SLC35F3: variants seen among roughly 807,000 people sequenced by gnomAD.
SLC35F3 encodes the protein solute carrier family 35 member F3.
A neutral mutation model predicts 49.9 loss-of-function variants in SLC35F3; 25 were observed. The observed-to-expected ratio is 0.50, with a 90% CI of 0.37 to 0.70. The LOEUF is 0.70. Ranked by LOEUF, SLC35F3 falls within the 30% of genes least tolerant of loss-of-function variation. The pLI is 0.00. For synonymous variants in SLC35F3, 275 were observed against 265.4 expected (o/e 1.04, Z -0.35); for missense variants, 525 against 639.8 (o/e 0.82, Z 1.94).
At chr1:234,155,397 T>TGA (rs58295274) in intron 2 of SLC35F3, among the ~76,000 whole-genome samples, 27,585 of 146,800 alleles carry the variant, frequency 0.19, 4,348 homozygotes, top group East Asian at 0.85. Context: ...ATTCACCTGA[T>TGA]TATTATTATT....
At chr1:234,077,927 C>T (rs185114504) in intron 2 of SLC35F3, among the ~76,000 whole-genome samples, 2 of 152,320 alleles carry the variant, frequency 1.3e-5, no homozygotes, top group Admixed American at 1.3e-4. Context: ...TTGAGGGTTG[C>T]TCCCCAGAGA....
chr1:233,933,601 A>G (rs944406598), intron 2 of SLC35F3, among the ~76,000 whole-genome samples: 1 of 152,174 alleles, frequency 6.6e-6, no homozygotes, highest in African/African-American at 2.4e-5. Context: ...GTGGTGGCTC[A>G]GTGCTTGGGG....
At chr1:233,982,018 G>T (rs963521446) in intron 2 of SLC35F3, among the ~76,000 whole-genome samples, 2 of 152,290 alleles carry the variant, frequency 1.3e-5, no homozygotes, top group South Asian at 2.1e-4. Flanking sequence ...CACCTTCCAG[G>T]TTCAAGTGAT....
intron 3 of SLC35F3, among the ~76,000 whole-genome samples, chr1:234,282,217 C>T (rs1668339556): frequency 6.6e-6 from 1 of 152,200 alleles, no homozygotes; most frequent in African/African-American, 2.4e-5. Context: ...ATAAGTGCAG[C>T]GGACCCACCA....
At chr1:234,165,743 T>C (rs1290013549) in intron 2 of SLC35F3, among the ~76,000 whole-genome samples, 1 of 152,116 alleles carries the variant, frequency 6.6e-6, no homozygotes, top group Non-Finnish European at 1.5e-5. Context: ...GGGGTACAAG[T>C]GCTTTTAGGT....
At chr1:234,110,400 C>A (rs1367826511) in intron 2 of SLC35F3, among the ~76,000 whole-genome samples, 1 of 152,210 alleles carries the variant, frequency 6.6e-6, no homozygotes, top group Non-Finnish European at 1.5e-5. Context: ...ACTGGAATGG[C>A]AGAGCCAGGA....
intron 2 of SLC35F3, among the ~76,000 whole-genome samples, chr1:234,176,769 G>A (rs1490275076): frequency 6.6e-6 from 1 of 152,178 alleles, no homozygotes; most frequent in Non-Finnish European, 1.5e-5. Flanking sequence ...ATCTACAAGT[G>A]GAGATCAGGA....
chr1:234,079,769 T>C (rs1384663026), intron 2 of SLC35F3, among the ~76,000 whole-genome samples: 1 of 152,130 alleles, frequency 6.6e-6, no homozygotes, highest in African/African-American at 2.4e-5. Flanking sequence ...ATAAGAAATA[T>C]TAACGAGGAT....
rs186270717 is a variant in SLC35F3, at chr1:234,312,759, G to T, written c.828+3439G>T. Among the ~76,000 whole-genome samples the T allele has an allele frequency of 1.7e-3, 254 of 152,322 alleles. 2 individuals are homozygous for T. Among genetic ancestry groups the T allele is most frequent in the African/African-American group, 5.8e-3 (242 of 41,566 alleles). ...GTCCATTTTTCCCTTTTGTAAAATT[G>T]CCTGTAGCTGTGCAAATCTAAAAAG... On this transcript the variant is annotated intron_variant, in intron 4 of 7. Transcript: ENST00000366618.
intron 2 of SLC35F3, among the ~76,000 whole-genome samples, chr1:234,057,672 T>C (rs1664474766): frequency 6.6e-6 from 1 of 152,186 alleles, no homozygotes. Context: ...ACCTCCAGTC[T>C]AATGTTGAAT....
intron 2 of SLC35F3, among the ~76,000 whole-genome samples, chr1:234,072,668 G>A (rs1664734921): frequency 6.6e-6 from 1 of 152,082 alleles, no homozygotes; most frequent in Non-Finnish European, 1.5e-5. Flanking sequence ...GGTGTTCCAG[G>A]CAGAAAAGAA....
intron 2 of SLC35F3, among the ~76,000 whole-genome samples, chr1:234,204,631 AT>A (rs1666945423): frequency 6.6e-6 from 1 of 152,216 alleles, no homozygotes; most frequent in Non-Finnish European, 1.5e-5. Context: ...CAACTAGATA[AT>A]TTTAGGAACA....
intron 2 of SLC35F3, among the ~76,000 whole-genome samples, chr1:234,169,282 C>T (rs114143071): frequency 0.011 from 1,644 of 152,310 alleles, 20 homozygotes; most frequent in African/African-American, 0.033. Context: ...CCCTCACAGA[C>T]GCACCAGGAG....
chr1:233,930,626 C>G (rs1448032359), intron 2 of SLC35F3, among the ~76,000 whole-genome samples: 2 of 152,076 alleles, frequency 1.3e-5, no homozygotes, highest in Non-Finnish European at 2.9e-5. Flanking sequence ...TTGACTTCCC[C>G]AAAACTCAAC....
Position 234,187,389 on chromosome 1 carries a change from G to A in SLC35F3, c.284-44028G>A, listed in dbSNP as rs566780203. ...AAAGAGCAGCTCCAAGGAGAGGGGG[G>A]AAAATGGCGGACAGGAGGCAGGACT... On this transcript the variant is annotated intron_variant, in intron 2 of 7. Transcript: ENST00000366618. Among the ~76,000 whole-genome samples, 3 of 152,336 alleles carry A rather than the reference G, an allele frequency of 2.0e-5. No homozygotes were observed. The South Asian group carries it at 6.2e-4, about 32-fold the overall frequency.
intron 2 of SLC35F3, among the ~76,000 whole-genome samples, chr1:234,067,601 A>G (rs1664640857): frequency 6.6e-6 from 1 of 152,154 alleles, no homozygotes; most frequent in African/African-American, 2.4e-5. Context: ...GAACCCTGAG[A>G]CTACCTGGCG....
intron 2 of SLC35F3, among the ~76,000 whole-genome samples, chr1:234,028,258 C>T (rs1379957010): frequency 6.6e-6 from 1 of 152,226 alleles, no homozygotes; most frequent in Non-Finnish European, 1.5e-5. Context: ...TCAGATAAAA[C>T]AGGTGAAGTA....
intron 7 of SLC35F3, 59 bp from the exon 8 acceptor site, chr1:234,322,949 C>T: frequency 6.7e-7 from 1 of 1,488,450 alleles, no homozygotes; most frequent in South Asian, 1.1e-5. Context: ...CCTGCCCACT[C>T]TCCAGGGACA....
At chr1:234,054,642 A>G (rs1168254250) in intron 2 of SLC35F3, among the ~76,000 whole-genome samples, 2 of 152,110 alleles carry the variant, frequency 1.3e-5, no homozygotes, top group African/African-American at 2.4e-5. Flanking sequence ...TCTTCTGTCA[A>G]CTCATCAAAG....
Sources: gnomAD v4.1 joint callset for allele counts (sites outside exome capture counted in the v4.1 genomes callset) on GRCh38, gnomAD v4.1.1 for gene constraint, MANE v1.5 for transcripts, NCBI Gene and HGNC (gene_info 2026-07-23, HGNC 2026-07-21) for gene names.